Variants in CHST9 observed in about 807,000 individuals in gnomAD.
CHST9 encodes GalNAc-4-sulfotransferase 2.
Under a neutral mutation model 44.4 loss-of-function variants are expected in CHST9, and 41 were observed. The observed-to-expected ratio is 0.92, with a 90% confidence interval of 0.72 to 1.20. The LOEUF (loss-of-function observed/expected upper bound fraction) is 1.20, where lower values mean the gene tolerates loss of function less well. CHST9 is among the 50% of genes most tolerant of loss of function. CHST9 has a pLI of 0.00. For synonymous variants in CHST9, 171 were observed against 178.4 expected (o/e 0.96, Z 0.33); for missense variants, 504 against 516.5 (o/e 0.98, Z 0.23).
At position 27,119,602 on chromosome 18, in the gene CHST9, A is replaced by G. The variant is rs1284820259; in HGVS notation, c.121+23087T>C. Among the ~76,000 whole-genome samples the G allele has an allele frequency of 2.0e-5, 3 of 149,024 alleles. No homozygotes were observed. In the South Asian group the frequency reaches 6.3e-4, roughly 31 times the overall value. ...CTTAAGCCTCTGTTTGTTTATGTCT[A>G]TACTTAGGTTGCAGGTGATAATTGC... On this transcript the variant is annotated intron_variant, in intron 2 of 5. Coordinates refer to ENST00000618847, the MANE Select transcript of CHST9 (RefSeq NM_031422.6).
In CHST9 at chr18:26,908,498, T is replaced by G. The variant is rs762167312; in HGVS notation, c.*7761A>C. ...CCAAAAAATGATAAGGTGATAAAAT[T>G]TTATGTTATGTGGATTTTGCCACAA... On this transcript the variant is annotated 3_prime_UTR_variant, in exon 6 of 6. Coordinates refer to ENST00000618847, the MANE Select transcript of CHST9 (RefSeq NM_031422.6). 1.3e-5 allele frequency: 2 copies of G among 151,878 alleles called. No homozygotes were observed. The highest frequency in any genetic ancestry group is 6.6e-5 in the Admixed American group (1 of 15,250). The allele number at this position is 151,878 out of a possible 1,614,324, so 9.4% of individuals were successfully genotyped here. A position where few individuals can be genotyped will look rare whatever the true frequency, so the allele number is the denominator to read the frequency against.
At chr18:27,027,324 A>G (rs1328692284) in intron 3 of CHST9, among the ~76,000 whole-genome samples, 1 of 152,236 alleles carries the variant, frequency 6.6e-6, no homozygotes, top group Non-Finnish European at 1.5e-5. Flanking sequence ...TTTATTTTCA[A>G]TAATGAATCA....
intron 5 of CHST9, among the ~76,000 whole-genome samples, chr18:26,922,517 T>C (rs192502151): frequency 6.6e-6 from 1 of 152,260 alleles, no homozygotes; most frequent in African/African-American, 2.4e-5. Context: ...CAGAGTTAGC[T>C]GAAAGACATG....
At chr18:26,966,351 A>G (rs578186849) in intron 4 of CHST9, among the ~76,000 whole-genome samples, 68 of 152,356 alleles carry the variant, frequency 4.5e-4, no homozygotes, top group African/African-American at 1.6e-3. Flanking sequence ...AAAGCGAGTT[A>G]AAGCCTTAAA....
intron 1 of CHST9, among the ~76,000 whole-genome samples, chr18:27,159,859 CT>C (rs1002104243): frequency 6.6e-6 from 1 of 152,094 alleles, no homozygotes; most frequent in African/African-American, 2.4e-5. Flanking sequence ...GTATTTTATT[CT>C]CTTTGAAGCA....
intron 5 of CHST9, among the ~76,000 whole-genome samples, chr18:26,919,393 G>T (rs1482630216): frequency 6.6e-6 from 1 of 152,158 alleles, no homozygotes; most frequent in Non-Finnish European, 1.5e-5. Flanking sequence ...ACATAAAGTT[G>T]TCACTGAAAA....
intron 2 of CHST9, among the ~76,000 whole-genome samples, chr18:27,055,598 G>C (rs1265162236): frequency 6.6e-6 from 1 of 152,108 alleles, no homozygotes; most frequent in Admixed American, 6.6e-5. Context: ...AGAAAAGTGG[G>C]ATGTGGAATT....
intron 2 of CHST9, among the ~76,000 whole-genome samples, chr18:27,080,950 TA>T (rs2143680568): frequency 6.6e-6 from 1 of 151,478 alleles, no homozygotes; most frequent in Non-Finnish European, 1.5e-5. Context: ...AAATGGAATT[TA>T]GAAGAAAAAT....
At position 27,154,702 on chromosome 18, in the gene CHST9, G is replaced by A. The variant is rs558588724; in HGVS notation, c.-96-11797C>T. On this transcript the variant is annotated intron_variant, in intron 1 of 5. Transcript: ENST00000618847. ...GTTCTTGGAGGAGGTTTATCACAGC[G>A]GTTCGGTATGCAGATTCTGGAGCCT... Among the ~76,000 whole-genome samples, 7 of 152,042 alleles carry A rather than the reference G, an allele frequency of 4.6e-5. No homozygotes were observed. The East Asian group carries it at 1.4e-3, about 29-fold the overall frequency.
intron 4 of CHST9, among the ~76,000 whole-genome samples, chr18:26,972,891 A>G (rs1168248093): frequency 2.0e-5 from 3 of 152,268 alleles, no homozygotes; most frequent in South Asian, 2.1e-4. Context: ...AATGAAATCC[A>G]GTTTCTTCCC....
At chr18:27,162,359 C>T (rs2058754366) in intron 1 of CHST9, among the ~76,000 whole-genome samples, 1 of 151,920 alleles carries the variant, frequency 6.6e-6, no homozygotes, top group South Asian at 2.1e-4. Flanking sequence ...ATTTCTCCTT[C>T]ACTTATGAAG....
chr18:27,013,451 TAAAC>T (rs1598639069), intron 4 of CHST9, among the ~76,000 whole-genome samples: 2 of 152,254 alleles, frequency 1.3e-5, no homozygotes. Context: ...GAAAAATAAT[TAAAC>T]AAACAAGAAA....
chr18:27,024,085 A>C (rs1199208200), intron 4 of CHST9, 31 bp downstream of exon 4: 3 of 1,605,700 alleles, frequency 1.9e-6, no homozygotes, highest in Non-Finnish European at 2.6e-6. Context: ...ATAACTACCC[A>C]AGATTCAAAC....
At chr18:26,956,490 T>A (rs1330650058) in intron 4 of CHST9, among the ~76,000 whole-genome samples, 8 of 148,790 alleles carry the variant, frequency 5.4e-5, no homozygotes, top group Middle Eastern at 3.3e-3. Context: ...ATATACAATT[T>A]TTTATATATA....
chr18:27,118,659 G>C (rs561689571), intron 2 of CHST9, among the ~76,000 whole-genome samples: 1 of 152,344 alleles, frequency 6.6e-6, no homozygotes, highest in Admixed American at 6.5e-5. Flanking sequence ...TTTGGCTCTG[G>C]AGAAGGCATC....
intron 3 of CHST9, among the ~76,000 whole-genome samples, chr18:27,034,200 T>G (rs888782488): frequency 8.5e-5 from 13 of 152,218 alleles, no homozygotes; most frequent in African/African-American, 3.1e-4. Context: ...GCTAATAGTA[T>G]TATTCACCAG....
intron 4 of CHST9, among the ~76,000 whole-genome samples, chr18:26,969,248 C>T (rs1485011076): frequency 8.6e-5 from 13 of 151,970 alleles, no homozygotes; most frequent in South Asian, 2.1e-4. Context: ...GTGATCCACC[C>T]GCCTCAGCTT....
rs1304810619 is a variant in CHST9 at position 26,908,056 on chromosome 18, G to C, written c.*8203C>G. The C allele has an allele frequency of 6.5e-6, 1 of 153,118 alleles. No individual in the cohort carries two copies. The highest frequency in any genetic ancestry group is 6.5e-5 in the Admixed American group (1 of 15,356). 9.5% of individuals were successfully genotyped at this position (153,118 alleles called of 1,614,324 possible). A position where few individuals can be genotyped will look rare whatever the true frequency, so the allele number is the denominator to read the frequency against. ...GTGCAGAGTATCCATTTTTCACAAGGAAGGAAGGTATGTGATGGGATAGTG... is the reference window on the plus strand; with the variant it reads ...GTGCAGAGTATCCATTTTTCACAAGCAAGGAAGGTATGTGATGGGATAGTG... On this transcript the variant is annotated 3_prime_UTR_variant, in exon 6 of 6. Transcript: ENST00000618847.
intron 5 of CHST9, chr18:26,933,220 C>T (rs547530650): frequency 6.5e-6 from 1 of 153,644 alleles, no homozygotes; most frequent in Non-Finnish European, 1.5e-5. Flanking sequence ...ACATTTTTAC[C>T]CCCATCCATG....
Sources: allele counts gnomAD v4.1 joint callset (sites outside exome capture counted in the v4.1 genomes callset), GRCh38; gene constraint gnomAD v4.1.1; transcripts MANE v1.5; gene names NCBI Gene and HGNC (gene_info 2026-07-23, HGNC 2026-07-21).